ZSWIM6: variants seen among roughly 807,000 people sequenced by gnomAD.
The protein encoded by ZSWIM6 is zinc finger SWIM domain-containing protein 6.
In ZSWIM6, 9 loss-of-function variants were observed where a neutral mutation model predicts 113.2. The observed-to-expected ratio is 0.08, with a 90% confidence interval of 0.05 to 0.14. The LOEUF (loss-of-function observed/expected upper bound fraction) is 0.14, where lower values mean the gene tolerates loss of function less well. ZSWIM6 is among the 10% of genes least tolerant of loss of function. ZSWIM6 has a pLI of 1.00. For missense variants in ZSWIM6, 1,162 were observed against 1,552.2 expected, an observed-to-expected ratio of 0.75 and a Z score of 4.22; for synonymous variants, 611 against 606.5, an observed-to-expected ratio of 1.01 and a Z score of -0.11.
At chr5:61,411,752 A>G (rs1238895515) in intron 1 of ZSWIM6, among the ~76,000 whole-genome samples, 1 of 152,142 alleles carries the variant, frequency 6.6e-6, no homozygotes, top group Non-Finnish European at 1.5e-5. Context: ...GTAGAAGGAA[A>G]GGATGAAAGG....
intron 1 of ZSWIM6, among the ~76,000 whole-genome samples, chr5:61,345,179 C>T (rs1744630417): frequency 6.6e-6 from 1 of 152,178 alleles, no homozygotes; most frequent in East Asian, 1.9e-4. Flanking sequence ...TAGGTGCCAT[C>T]AGACATTAAA....
At chr5:61,410,106 T>C (rs1458810951) in intron 1 of ZSWIM6, among the ~76,000 whole-genome samples, 1 of 152,120 alleles carries the variant, frequency 6.6e-6, no homozygotes, top group South Asian at 2.1e-4. Flanking sequence ...ATTTCACCTA[T>C]GTATAGCAGC....
intron 1 of ZSWIM6, chr5:61,375,891 T>G: frequency 1.1e-6 from 1 of 888,424 alleles, no homozygotes; most frequent in South Asian, 1.6e-5. Flanking sequence ...ATAAAGAAAG[T>G]GCAATGTCTG....
intron 4 of ZSWIM6, among the ~76,000 whole-genome samples, chr5:61,511,271 A>T (rs1748779758): frequency 6.6e-6 from 1 of 152,170 alleles, no homozygotes; most frequent in African/African-American, 2.4e-5. Flanking sequence ...ATTCTGCAAA[A>T]TGGAAATTTT....
chr5:61,350,553 A>T lies in ZSWIM6; in HGVS notation c.676+17605A>T, dbSNP rs552452466. ...CATGGGTTTGATGTCACCACCCCTGATTTTTTTTCTCAATTTAAAGATATG... is the reference window on the plus strand; with the variant it reads ...CATGGGTTTGATGTCACCACCCCTGTTTTTTTTTCTCAATTTAAAGATATG... On this transcript the variant is annotated intron_variant, in intron 1 of 13. Coordinates refer to ENST00000252744, the MANE Select transcript of ZSWIM6 (RefSeq NM_020928.2). Among the ~76,000 whole-genome samples the T allele has an allele frequency of 1.4e-4, 22 of 152,036 alleles. 2 individuals carry two copies. The East Asian group carries it at 4.1e-3, about 28-fold the overall frequency.
chr5:61,431,913 G>GT (rs760296465), intron 1 of ZSWIM6, among the ~76,000 whole-genome samples: 10 of 151,732 alleles, frequency 6.6e-5, no homozygotes, highest in East Asian at 1.9e-4. Flanking sequence ...TTCTGTTTTT[G>GT]TTTTTTTTCT....
intron 1 of ZSWIM6, among the ~76,000 whole-genome samples, chr5:61,406,513 A>C (rs1746046110): frequency 6.6e-6 from 1 of 152,112 alleles, no homozygotes; most frequent in African/African-American, 2.4e-5. Context: ...GTCAGTATCA[A>C]AATTTTGTTT....
intron 1 of ZSWIM6, among the ~76,000 whole-genome samples, chr5:61,413,486 T>G (rs1746186774): frequency 6.6e-6 from 1 of 152,160 alleles, no homozygotes; most frequent in African/African-American, 2.4e-5. Context: ...TAAACATATG[T>G]GTGCCTGTGT....
At chr5:61,504,552 TG>T (rs1479593538) in intron 4 of ZSWIM6, among the ~76,000 whole-genome samples, 1 of 152,198 alleles carries the variant, frequency 6.6e-6, no homozygotes, top group Non-Finnish European at 1.5e-5. Flanking sequence ...ATTAAGAAAT[TG>T]TTTTTTTGAA....
intron 1 of ZSWIM6, among the ~76,000 whole-genome samples, chr5:61,411,663 AGGTGCCATCAGATTG>A (rs1385971800): frequency 6.6e-6 from 1 of 152,228 alleles, no homozygotes; most frequent in Non-Finnish European, 1.5e-5. Flanking sequence ...TCCAAGATCA[AGGTGCCATCAGATTG>A]GGTGTCTGAT....
At chr5:61,385,797 T>C (rs1745581421) in intron 1 of ZSWIM6, among the ~76,000 whole-genome samples, 1 of 152,164 alleles carries the variant, frequency 6.6e-6, no homozygotes, top group South Asian at 2.1e-4. Context: ...CTGCTAGCCA[T>C]AGTGATGATG....
At chr5:61,521,504 A>C in intron 5 of ZSWIM6, 62 bp downstream of exon 5, 1 of 1,252,144 alleles carries the variant, frequency 8.0e-7, no homozygotes, top group Non-Finnish European at 1.0e-6. Flanking sequence ...TGTGCTTATA[A>C]TAGTAACTTA....
intron 1 of ZSWIM6, among the ~76,000 whole-genome samples, chr5:61,346,879 G>T (rs745809782): frequency 6.6e-6 from 1 of 152,128 alleles, no homozygotes; most frequent in Non-Finnish European, 1.5e-5. Context: ...GGAAAAAGCC[G>T]TTAAAATACT....
chr5:61,452,387 A>G (rs553600217), intron 1 of ZSWIM6, among the ~76,000 whole-genome samples: 10 of 152,174 alleles, frequency 6.6e-5, no homozygotes, highest in African/African-American at 2.4e-4. Flanking sequence ...ATTATTTTGC[A>G]TGTCTCTTGG....
At chr5:61,455,867 A>G (rs1042242592) in intron 1 of ZSWIM6, among the ~76,000 whole-genome samples, 20 of 132,514 alleles carry the variant, frequency 1.5e-4, no homozygotes, top group African/African-American at 5.3e-4. Flanking sequence ...AAGCTAGGGA[A>G]GTGTTGATAA....
At chr5:61,344,482 C>G (rs1744614848) in intron 1 of ZSWIM6, among the ~76,000 whole-genome samples, 1 of 152,122 alleles carries the variant, frequency 6.6e-6, no homozygotes, top group Non-Finnish European at 1.5e-5. Flanking sequence ...TTCTTTCTTT[C>G]CTTTCTTCCC....
chr5:61,491,752 CAGAT>C (rs1748183307), intron 3 of ZSWIM6, among the ~76,000 whole-genome samples: 1 of 151,900 alleles, frequency 6.6e-6, no homozygotes, highest in South Asian at 2.1e-4. Flanking sequence ...TTTAAAGGAA[CAGAT>C]AGCTGTTCAT....
At chr5:61,388,720 CT>C (rs1266175224) in intron 1 of ZSWIM6, among the ~76,000 whole-genome samples, 1 of 152,234 alleles carries the variant, frequency 6.6e-6, no homozygotes, top group Non-Finnish European at 1.5e-5. Flanking sequence ...TATCTATACT[CT>C]TAACTGCTTT....
At chr5:61,362,810 G>A (rs1745058043) in intron 1 of ZSWIM6, among the ~76,000 whole-genome samples, 2 of 152,096 alleles carry the variant, frequency 1.3e-5, no homozygotes, top group South Asian at 4.1e-4. Context: ...TTTAGGTCTG[G>A]CAGGCATTTC....
Sources: allele counts gnomAD v4.1 joint callset (sites outside exome capture counted in the v4.1 genomes callset), GRCh38; gene constraint gnomAD v4.1.1; transcripts MANE v1.5; gene names NCBI Gene and HGNC (gene_info 2026-07-23, HGNC 2026-07-21).